Variants in CEP112 observed in about 807,000 individuals in gnomAD.
CEP112 encodes the protein centrosomal protein of 112 kDa.
Under a neutral mutation model 153.0 loss-of-function variants are expected in CEP112, and 127 were observed. That is an observed-to-expected ratio of 0.83 (90% CI 0.72 to 0.96). The LOEUF is 0.96. Ranked by LOEUF, CEP112 falls within the 40% of genes least tolerant of loss-of-function variation. The pLI, the probability that CEP112 is intolerant of heterozygous loss-of-function variation, is 0.00. For synonymous variants in CEP112, 358 were observed against 374.4 expected (o/e 0.96, Z 0.51); for missense variants, 1,089 against 1,101.2 (o/e 0.99, Z 0.16).
intron 19 of CEP112, among the ~76,000 whole-genome samples, chr17:65,914,154 T>A (rs1215397435): frequency 6.6e-6 from 1 of 151,770 alleles, no homozygotes; most frequent in East Asian, 1.9e-4. Flanking sequence ...ATAGATGGAG[T>A]TCAAAATTTT....
At chr17:65,752,306 T>C (rs2051926861) in intron 21 of CEP112, among the ~76,000 whole-genome samples, 1 of 152,166 alleles carries the variant, frequency 6.6e-6, no homozygotes, top group Non-Finnish European at 1.5e-5. Context: ...TGTATGGGTT[T>C]GTGGATGGGT....
At chr17:65,651,684 T>C (rs2045787172) in intron 24 of CEP112, among the ~76,000 whole-genome samples, 1 of 145,128 alleles carries the variant, frequency 6.9e-6, no homozygotes, top group South Asian at 2.2e-4. Context: ...CTTCCTTCCT[T>C]CTTTCCTTCC....
At chr17:65,976,707 AT>A (rs1369067421) in intron 17 of CEP112, among the ~76,000 whole-genome samples, 4 of 140,862 alleles carry the variant, frequency 2.8e-5, no homozygotes, top group Non-Finnish European at 4.7e-5. Context: ...TATTTAATCT[AT>A]TTTTTAAAGT....
intron 20 of CEP112, chr17:65,873,243 T>C (rs1272905602): frequency 1.3e-5 from 2 of 152,238 alleles, no homozygotes; most frequent in African/African-American, 4.8e-5. Context: ...ACCTTTTTGT[T>C]ACCCTCCATC....
At chr17:65,636,639 TCTTACTCTG>T (rs979221190) in intron 26 of CEP112, 2 of 152,774 alleles carry the variant, frequency 1.3e-5, no homozygotes, top group African/African-American at 5.0e-5. Flanking sequence ...GGAGACAGAG[TCTTACTCTG>T]CTGCCCAGGC....
intron 11 of CEP112, among the ~76,000 whole-genome samples, chr17:66,058,643 A>G (rs2066801849): frequency 6.6e-6 from 1 of 152,106 alleles, no homozygotes; most frequent in Non-Finnish European, 1.5e-5. Context: ...TGAGGTCAGG[A>G]GTTCAAGACA....
At chr17:66,058,093 A>AC (rs1568442188) in intron 11 of CEP112, among the ~76,000 whole-genome samples, 3 of 135,840 alleles carry the variant, frequency 2.2e-5, no homozygotes, top group Non-Finnish European at 4.8e-5. Flanking sequence ...ACTCTAAAAA[A>AC]AACAAAAAAA....
intron 21 of CEP112, among the ~76,000 whole-genome samples, chr17:65,808,395 G>T (rs1012470501): frequency 2.6e-5 from 4 of 152,138 alleles, no homozygotes; most frequent in Admixed American, 2.6e-4. Flanking sequence ...TTAAGACTTT[G>T]GGGGACTGTT....
chr17:65,971,368 G>A (rs576181588), intron 17 of CEP112, among the ~76,000 whole-genome samples: 6 of 119,690 alleles, frequency 5.0e-5, no homozygotes, highest in East Asian at 3.6e-4. Flanking sequence ...CATGTATATC[G>A]CATGTATGTA....
chr17:65,880,681 A>C (rs1287773838), intron 20 of CEP112, among the ~76,000 whole-genome samples: 1 of 152,222 alleles, frequency 6.6e-6, no homozygotes, highest in Non-Finnish European at 1.5e-5. Context: ...AGAGGCAATG[A>C]ACCACCTTGT....
chr17:65,774,999 T>G (rs1265500103), intron 21 of CEP112, among the ~76,000 whole-genome samples: 1 of 152,080 alleles, frequency 6.6e-6, no homozygotes, highest in Non-Finnish European at 1.5e-5. Flanking sequence ...AAAAAGCTGC[T>G]TTATTACAGG....
chr17:65,907,487 A>G (rs2060126717), intron 19 of CEP112, among the ~76,000 whole-genome samples: 1 of 152,124 alleles, frequency 6.6e-6, no homozygotes, highest in Non-Finnish European at 1.5e-5. Context: ...CTGCTTGAAC[A>G]GAGAATAAGG....
chr17:65,992,703 T>G (rs1198941830), intron 17 of CEP112, among the ~76,000 whole-genome samples: 2 of 152,226 alleles, frequency 1.3e-5, no homozygotes, highest in South Asian at 4.1e-4. Context: ...AATATCACTA[T>G]TAATTCCTTG....
intron 21 of CEP112, among the ~76,000 whole-genome samples, chr17:65,779,827 G>A (rs932915676): frequency 2.0e-5 from 3 of 152,090 alleles, no homozygotes; most frequent in Admixed American, 6.5e-5. Flanking sequence ...GAGAAGTGTT[G>A]TAGTGTATGC....
chr17:65,899,814 T>G (rs1049712990), intron 20 of CEP112, among the ~76,000 whole-genome samples: 1 of 152,142 alleles, frequency 6.6e-6, no homozygotes, highest in African/African-American at 2.4e-5. Context: ...AGCCACACAT[T>G]AACTGAAAAT....
intron 8 of CEP112, among the ~76,000 whole-genome samples, chr17:66,071,723 G>A (rs965841339): frequency 4.6e-5 from 7 of 152,102 alleles, no homozygotes; most frequent in Admixed American, 1.3e-4. Flanking sequence ...CTATTTTGGG[G>A]AGCAAACCCA....
chr17:65,941,790 GT>G (rs34682208), intron 18 of CEP112, among the ~76,000 whole-genome samples: 6 of 147,864 alleles, frequency 4.1e-5, no homozygotes, highest in African/African-American at 7.5e-5. Flanking sequence ...TTGTTTTGTT[GT>G]TTTTTTTTTG....
intron 21 of CEP112, among the ~76,000 whole-genome samples, chr17:65,760,703 A>AT (rs529245077): frequency 6.6e-6 from 1 of 151,796 alleles, no homozygotes; most frequent in South Asian, 2.1e-4. Flanking sequence ...TGGTTAATAG[A>AT]TTTTTTTTCT....
At chr17:66,106,165 A>T (rs1017235239) in intron 6 of CEP112, among the ~76,000 whole-genome samples, 3 of 152,150 alleles carry the variant, frequency 2.0e-5, no homozygotes, top group African/African-American at 7.2e-5. Context: ...CAGTAGTAAG[A>T]GGAAAGTTTA....
Sources: gnomAD v4.1 joint callset for allele counts (sites outside exome capture counted in the v4.1 genomes callset) on GRCh38, gnomAD v4.1.1 for gene constraint, MANE v1.5 for transcripts, NCBI Gene and HGNC (gene_info 2026-07-23, HGNC 2026-07-21) for gene names.